The following CADM2 variants were observed in gnomAD, a reference collection of about 807,000 sequenced individuals.
The protein encoded by CADM2 is immunoglobulin superfamily member 4D.
In CADM2, 12 loss-of-function variants were observed where a neutral mutation model predicts 49.8. That is an observed-to-expected ratio of 0.24 (90% CI 0.15 to 0.39). CADM2 has a LOEUF of 0.39. CADM2 is among the 10% of genes least tolerant of loss of function. The probability of loss-of-function intolerance (pLI) is 1.00; values close to 1 mark genes in which losing one functional copy is unlikely to be tolerated. For synonymous variants in CADM2, 214 were observed against 175.4 expected (o/e 1.22, Z -1.74); for missense variants, 378 against 492.3 (o/e 0.77, Z 2.20).
intron 1 of CADM2, among the ~76,000 whole-genome samples, chr3:85,692,380 C>T (rs6787622): frequency 1.3e-5 from 2 of 152,058 alleles, no homozygotes; most frequent in African/African-American, 2.4e-5. Flanking sequence ...AGAATATTTG[C>T]GTCGCAAGTT....
intron 8 of CADM2, among the ~76,000 whole-genome samples, chr3:86,023,842 A>G (rs936706849): frequency 6.6e-6 from 1 of 152,060 alleles, no homozygotes; most frequent in African/African-American, 2.4e-5. Context: ...CCCAATCTTC[A>G]CTTCATCACT....
chr3:85,349,313 C>G (rs993420435), intron 1 of CADM2, among the ~76,000 whole-genome samples: 2 of 152,158 alleles, frequency 1.3e-5, no homozygotes, highest in Non-Finnish European at 2.9e-5. Context: ...CTTACATACT[C>G]TAATCTGTTC....
At chr3:85,183,931 T>G (rs1416973730) in intron 1 of CADM2, among the ~76,000 whole-genome samples, 1 of 152,092 alleles carries the variant, frequency 6.6e-6, no homozygotes, top group East Asian at 1.9e-4. Context: ...GCTTTGCCAT[T>G]TATTCATAAA....
At chr3:85,037,008 A>C (rs556651858) in intron 1 of CADM2, among the ~76,000 whole-genome samples, 4 of 150,894 alleles carry the variant, frequency 2.7e-5, no homozygotes, top group African/African-American at 9.8e-5. Flanking sequence ...AAAAAAAAAA[A>C]AAAAAAAAAA....
intron 1 of CADM2, among the ~76,000 whole-genome samples, chr3:85,428,978 A>G (rs1271502447): frequency 1.3e-5 from 2 of 151,990 alleles, no homozygotes; most frequent in Non-Finnish European, 2.9e-5. Flanking sequence ...TACTTTAAAT[A>G]TAGACTTGGA....
At chr3:85,713,261 C>G (rs769907496) in intron 1 of CADM2, among the ~76,000 whole-genome samples, 3 of 152,062 alleles carry the variant, frequency 2.0e-5, no homozygotes, top group African/African-American at 4.8e-5. Flanking sequence ...CCACGCGGGA[C>G]TAATTTTTTT....
At chr3:85,233,089 A>T (rs761513731) in intron 1 of CADM2, among the ~76,000 whole-genome samples, 7 of 152,180 alleles carry the variant, frequency 4.6e-5, no homozygotes, top group Non-Finnish European at 1.0e-4. Flanking sequence ...CCAAATAAAG[A>T]CATGGGAAAA....
intron 1 of CADM2, among the ~76,000 whole-genome samples, chr3:85,506,010 A>T (rs532822977): frequency 6.6e-6 from 1 of 152,278 alleles, no homozygotes; most frequent in African/African-American, 2.4e-5. Flanking sequence ...GAATAGTCAA[A>T]TCTGATCCTT....
In CADM2 at chr3:85,773,392, G is replaced by A. The variant is rs2070201767; in HGVS notation, c.89-28655G>A. Among the ~76,000 whole-genome samples the A allele has an allele frequency of 2.6e-5, 4 of 152,002 alleles. No homozygotes were observed. The South Asian group carries it at 8.3e-4, about 31-fold the overall frequency. On this transcript the variant is annotated intron_variant, in intron 2 of 9. Transcript: ENST00000383699. ...AGGAAAAGTGTTTTCATAGCTAGCAGTCTCTGCACAAGGAACTTAACATTA... is the reference window on the plus strand; with the variant it reads ...AGGAAAAGTGTTTTCATAGCTAGCAATCTCTGCACAAGGAACTTAACATTA...
intron 1 of CADM2, among the ~76,000 whole-genome samples, chr3:85,331,984 C>T (rs1343533016): frequency 6.6e-6 from 1 of 152,104 alleles, no homozygotes; most frequent in Non-Finnish European, 1.5e-5. Context: ...AAAAGGTCAA[C>T]ACCTTTGACA....
chr3:85,922,498 A>G (rs2108506719), intron 6 of CADM2, among the ~76,000 whole-genome samples: 1 of 152,210 alleles, frequency 6.6e-6, no homozygotes, highest in East Asian at 1.9e-4. Context: ...ATTTAAACAG[A>G]AAAACCGGAC....
At chr3:86,041,479 C>A (rs1333614086) in intron 8 of CADM2, among the ~76,000 whole-genome samples, 1 of 152,002 alleles carries the variant, frequency 6.6e-6, no homozygotes, top group South Asian at 2.1e-4. Context: ...TCAAAAGAGA[C>A]AAAGAAGGCC....
intron 1 of CADM2, among the ~76,000 whole-genome samples, chr3:85,448,814 G>T (rs1013790475): frequency 1.8e-4 from 27 of 152,038 alleles, no homozygotes; most frequent in African/African-American, 6.3e-4. Context: ...ACTTTGGGAG[G>T]TCGAGGCTTG....
chr3:85,568,457 TTCTTTCTCTTTCTCTCTC>T (rs2062356795), intron 1 of CADM2, among the ~76,000 whole-genome samples: 4 of 36,018 alleles, frequency 1.1e-4, no homozygotes, highest in African/African-American at 4.0e-4. Context: ...CTTTCTTTCT[TTCTTTCTCTTTCTCTCTC>T]TTTCTTTCTT....
intron 6 of CADM2, among the ~76,000 whole-genome samples, chr3:85,920,259 C>A (rs1395505862): frequency 6.6e-6 from 1 of 151,746 alleles, no homozygotes; most frequent in Non-Finnish European, 1.5e-5. Flanking sequence ...ATTATCTTGT[C>A]TACCACAAAT....
chr3:85,971,722 T>C lies in CADM2; in HGVS notation c.970+10075T>C, dbSNP rs550474403. On this transcript the variant is annotated intron_variant, in intron 8 of 9. Coordinates refer to ENST00000383699, the MANE Select transcript of CADM2 (RefSeq NM_001167675.2). ...AGGATAATCCACTTCAAAAGCATTT[T>C]TTTCATACTTGAAATTTCACTTTAC... is the stretch of plus-strand genomic sequence containing the variant. 6.6e-5 allele frequency among the ~76,000 whole-genome samples: 10 copies of C among 151,714 alleles called. No homozygotes were observed. In the South Asian group the frequency reaches 1.7e-3, roughly 25 times the overall value.
At chr3:85,390,401 TCA>T (rs1340461607) in intron 1 of CADM2, among the ~76,000 whole-genome samples, 1 of 152,092 alleles carries the variant, frequency 6.6e-6, no homozygotes, top group African/African-American at 2.4e-5. Context: ...AAGTGTAAAA[TCA>T]CACATTTCTG....
intron 8 of CADM2, among the ~76,000 whole-genome samples, chr3:86,053,221 A>C (rs2107336053): frequency 6.6e-6 from 1 of 152,314 alleles, no homozygotes; most frequent in East Asian, 1.9e-4. Flanking sequence ...TATTTGAAAT[A>C]TCCTAGTTCA....
chr3:85,001,020 C>T (rs561648441), intron 1 of CADM2, among the ~76,000 whole-genome samples: 35 of 152,138 alleles, frequency 2.3e-4, no homozygotes, highest in African/African-American at 7.9e-4. Flanking sequence ...AAATGAGAAA[C>T]ATTGTGGATA....
Sources: gnomAD v4.1 joint callset for allele counts (sites outside exome capture counted in the v4.1 genomes callset) on GRCh38, gnomAD v4.1.1 for gene constraint, MANE v1.5 for transcripts, NCBI Gene and HGNC (gene_info 2026-07-23, HGNC 2026-07-21) for gene names.